PCDH15: variants seen among roughly 807,000 people sequenced by gnomAD.
PCDH15 encodes the protein protocadherin-15.
PCDH15 carries 129 observed loss-of-function variants against 178.5 expected under a neutral mutation model. That is an observed-to-expected ratio of 0.72 (90% confidence interval 0.63 to 0.84). PCDH15 has a LOEUF of 0.84. Among genes scored for constraint, PCDH15 ranks in the 40% least tolerant of loss-of-function variants. PCDH15 has a pLI of 0.00. For missense variants in PCDH15, 2,230 were observed against 2,099.9 expected, an observed-to-expected ratio of 1.06 and a Z score of -1.21; for synonymous variants, 800 against 732.0, an observed-to-expected ratio of 1.09 and a Z score of -1.50.
intron 10 of PCDH15, among the ~76,000 whole-genome samples, chr10:54,208,069 T>A (rs1021225496): frequency 6.6e-6 from 1 of 151,976 alleles, no homozygotes; most frequent in Admixed American, 6.6e-5. Flanking sequence ...TGTGTGGCAA[T>A]CTGCTAAGTT....
At chr10:55,564,167 G>C (rs984629878) in intron 2 of PCDH15, among the ~76,000 whole-genome samples, 1 of 151,518 alleles carries the variant, frequency 6.6e-6, no homozygotes, top group Non-Finnish European at 1.5e-5. Context: ...ATACATAATA[G>C]AGAATACTAA....
At chr10:54,481,324 T>G (rs1025755214) in intron 3 of PCDH15, among the ~76,000 whole-genome samples, 2 of 151,982 alleles carry the variant, frequency 1.3e-5, no homozygotes, top group Admixed American at 1.3e-4. Flanking sequence ...TGCTTCATAT[T>G]AAATTATAAG....
At chr10:55,495,983 A>C (rs1033522310) in intron 2 of PCDH15, among the ~76,000 whole-genome samples, 6 of 151,910 alleles carry the variant, frequency 3.9e-5, no homozygotes, top group African/African-American at 1.4e-4. Context: ...TATAAGACAG[A>C]AAGTAGACTG....
At chr10:53,951,875 C>A (rs898953828) in intron 23 of PCDH15, among the ~76,000 whole-genome samples, 7 of 152,166 alleles carry the variant, frequency 4.6e-5, no homozygotes, top group African/African-American at 1.7e-4. Context: ...TGGGGTCCAC[C>A]ACTGTGCACA....
intron 2 of PCDH15, among the ~76,000 whole-genome samples, chr10:55,338,864 A>T (rs1300626171): frequency 6.6e-6 from 1 of 152,158 alleles, no homozygotes; most frequent in Non-Finnish European, 1.5e-5. Context: ...ATGTTAAGGG[A>T]TGTAAGCCAG....
At chr10:55,573,388 C>A (rs1344599994) in intron 2 of PCDH15, among the ~76,000 whole-genome samples, 1 of 152,032 alleles carries the variant, frequency 6.6e-6, no homozygotes, top group Non-Finnish European at 1.5e-5. Flanking sequence ...AAGTTAGATA[C>A]CAGGATCTGT....
intron 2 of PCDH15, among the ~76,000 whole-genome samples, chr10:54,953,947 A>G (rs1476922792): frequency 6.6e-6 from 1 of 151,316 alleles, no homozygotes; most frequent in Non-Finnish European, 1.5e-5. Flanking sequence ...ATATTTTGAT[A>G]GGATTTTTTT....
chr10:54,295,129 G>A (rs1044604323), intron 8 of PCDH15, among the ~76,000 whole-genome samples: 1 of 152,184 alleles, frequency 6.6e-6, no homozygotes, highest in African/African-American at 2.4e-5. Context: ...TGGAGTTGAA[G>A]CTTCAAGTGA....
intron 2 of PCDH15, among the ~76,000 whole-genome samples, chr10:55,112,008 A>G (rs1006800889): frequency 6.6e-6 from 1 of 152,228 alleles, no homozygotes; most frequent in African/African-American, 2.4e-5. Context: ...ACAGTAACAC[A>G]TTTATTTTTT....
intron 2 of PCDH15, among the ~76,000 whole-genome samples, chr10:55,496,811 A>G (rs1840544903): frequency 1.3e-5 from 2 of 152,008 alleles, no homozygotes; most frequent in South Asian, 4.1e-4. Context: ...ATCTTAATAT[A>G]TTGTTTTAAA....
chr10:55,344,337 G>A (rs1844685164), intron 2 of PCDH15, among the ~76,000 whole-genome samples: 1 of 152,104 alleles, frequency 6.6e-6, no homozygotes, highest in South Asian at 2.1e-4. Flanking sequence ...TTGGTTTGAA[G>A]AGATTTCTAT....
chr10:53,952,160 A>G (rs2087129041), intron 23 of PCDH15, among the ~76,000 whole-genome samples: 1 of 152,162 alleles, frequency 6.6e-6, no homozygotes, highest in Non-Finnish European at 1.5e-5. Flanking sequence ...CTCATTGCCC[A>G]CAATGTGGCA....
In PCDH15 at chr10:55,235,320, T is replaced by C. The variant is rs12265791; in HGVS notation, c.-155-68669A>G. On this transcript the variant is annotated intron_variant, in intron 1 of 5. Transcript: ENST00000458638. ...CTCTTTGCCTCATATTTTCTCCTAG[T>C]AAAAATTTCCATTCGTAACTTAGTC... 6.0e-3 allele frequency among the ~76,000 whole-genome samples: 911 copies of C among 152,148 alleles called. 15 individuals are homozygous for C. The highest frequency in any genetic ancestry group is 0.021 in the African/African-American group (871 of 41,450).
intron 26 of PCDH15, among the ~76,000 whole-genome samples, chr10:53,894,639 T>C (rs1157164179): frequency 6.6e-6 from 1 of 152,206 alleles, no homozygotes; most frequent in Non-Finnish European, 1.5e-5. Flanking sequence ...TAAATGGTGA[T>C]TTTGATTTCA....
intron 2 of PCDH15, among the ~76,000 whole-genome samples, chr10:55,078,056 T>C (rs901963608): frequency 7.9e-5 from 12 of 152,324 alleles, no homozygotes; most frequent in African/African-American, 2.2e-4. Context: ...AGGCTTTGTT[T>C]ATTTTTCATT....
At chr10:54,152,039 C>A (rs1217649338) in intron 14 of PCDH15, among the ~76,000 whole-genome samples, 3 of 152,158 alleles carry the variant, frequency 2.0e-5, no homozygotes, top group African/African-American at 7.2e-5. Flanking sequence ...AATGCAACAT[C>A]TCAAATTTGT....
intron 23 of PCDH15, among the ~76,000 whole-genome samples, chr10:53,956,924 G>C (rs1219381039): frequency 2.0e-5 from 3 of 152,256 alleles, no homozygotes; most frequent in South Asian, 4.1e-4. Context: ...TAAATTATAC[G>C]TTGAACAACA....
At chr10:54,893,417 A>G (rs1189655359) in intron 3 of PCDH15, among the ~76,000 whole-genome samples, 1 of 152,078 alleles carries the variant, frequency 6.6e-6, no homozygotes, top group East Asian at 1.9e-4. Flanking sequence ...AAAATAATAT[A>G]TTTAATCTGT....
chr10:54,386,458 A>G (rs1298137984), intron 3 of PCDH15, among the ~76,000 whole-genome samples: 1 of 152,082 alleles, frequency 6.6e-6, no homozygotes, highest in Non-Finnish European at 1.5e-5. Flanking sequence ...TATAATAATA[A>G]TCAGATACTT....
Sources: gnomAD v4.1 joint callset for allele counts (sites outside exome capture counted in the v4.1 genomes callset) on GRCh38, gnomAD v4.1.1 for gene constraint, MANE v1.5 for transcripts, NCBI Gene and HGNC (gene_info 2026-07-23, HGNC 2026-07-21) for gene names.